DCC: variants seen among roughly 807,000 people sequenced by gnomAD.
The protein encoded by DCC is DCC netrin 1 receptor.
In DCC, 58 loss-of-function variants were observed where a neutral mutation model predicts 172.5. The ratio of observed to expected loss-of-function variants is 0.34; its 90% CI spans 0.27 to 0.42. The LOEUF (loss-of-function observed/expected upper bound fraction) is 0.42, where lower values mean the gene tolerates loss of function less well. Ranked by LOEUF, DCC falls within the 10% of genes least tolerant of loss-of-function variation. DCC has a pLI of 1.00. For missense variants in DCC, 1,740 were observed against 1,791.0 expected (o/e 0.97, Z 0.51); for synonymous variants, 709 against 644.5 (o/e 1.10, Z -1.52).
intron 14 of DCC, among the ~76,000 whole-genome samples, chr18:53,326,466 T>A (rs2057469392): frequency 2.0e-5 from 3 of 152,206 alleles, no homozygotes; most frequent in Admixed American, 1.3e-4. Flanking sequence ...TTCCTTTCTT[T>A]CCTTCTGGTT....
At chr18:53,090,732 A>AAAAAAAAAT (rs1568298492) in intron 7 of DCC, among the ~76,000 whole-genome samples, 7 of 129,076 alleles carry the variant, frequency 5.4e-5, no homozygotes, top group Non-Finnish European at 1.0e-4. Context: ...AAAAAAAAAA[A>AAAAAAAAAT]AAGAATGTAT....
intron 22 of DCC, among the ~76,000 whole-genome samples, chr18:53,448,152 G>C (rs1357755680): frequency 6.9e-6 from 1 of 143,942 alleles, no homozygotes; most frequent in South Asian, 2.4e-4. Flanking sequence ...ATATTAAATT[G>C]TGAGAATAGG....
intron 1 of DCC, among the ~76,000 whole-genome samples, chr18:52,491,533 T>C (rs1226910849): frequency 6.6e-6 from 1 of 152,094 alleles, no homozygotes; most frequent in Non-Finnish European, 1.5e-5. Context: ...TTTTAAAAAA[T>C]AGATTTCTCC....
chr18:52,642,335 G>GGGGCAA (rs1342243646), intron 1 of DCC, among the ~76,000 whole-genome samples: 1 of 151,588 alleles, frequency 6.6e-6, no homozygotes, highest in Non-Finnish European at 1.5e-5. Context: ...GAGTGGGAGG[G>GGGGCAA]GGGCAAGGGA....
intron 15 of DCC, among the ~76,000 whole-genome samples, chr18:53,364,516 A>C (rs73957171): frequency 0.046 from 7,033 of 152,158 alleles, 505 homozygotes; most frequent in African/African-American, 0.16. Flanking sequence ...CACTATATTC[A>C]CCATAGTACA....
chr18:53,095,823 T>A (rs1310296944), intron 7 of DCC, among the ~76,000 whole-genome samples: 2 of 138,798 alleles, frequency 1.4e-5, no homozygotes, highest in Admixed American at 7.3e-5. Flanking sequence ...GGGTATGGGG[T>A]TTTTTTCATC....
At chr18:53,309,448 A>C (rs935003658) in intron 13 of DCC, among the ~76,000 whole-genome samples, 1 of 152,178 alleles carries the variant, frequency 6.6e-6, no homozygotes, top group African/African-American at 2.4e-5. Context: ...ATTTCCAAAT[A>C]AGGTCACATG....
At chr18:52,824,590 G>GA (rs1250500915) in intron 2 of DCC, among the ~76,000 whole-genome samples, 1 of 151,340 alleles carries the variant, frequency 6.6e-6, no homozygotes, top group Non-Finnish European at 1.5e-5. Flanking sequence ...GGGGAAGGAA[G>GA]AAAAACTAGA....
intron 5 of DCC, among the ~76,000 whole-genome samples, chr18:52,959,467 GT>G (rs1298009875): frequency 6.6e-6 from 1 of 152,058 alleles, no homozygotes; most frequent in African/African-American, 2.4e-5. Flanking sequence ...ACATTTGTAT[GT>G]TTGTTACATG....
chr18:52,565,979 T>C (rs950111549), intron 1 of DCC, among the ~76,000 whole-genome samples: 1 of 152,166 alleles, frequency 6.6e-6, no homozygotes, highest in Admixed American at 6.5e-5. Context: ...AGGTCTTATG[T>C]TTAAGTCTTA....
At chr18:52,723,776 A>G (rs1261661635) in intron 1 of DCC, among the ~76,000 whole-genome samples, 1 of 152,190 alleles carries the variant, frequency 6.6e-6, no homozygotes, top group Non-Finnish European at 1.5e-5. Flanking sequence ...ATTGTGGCAT[A>G]AATCAAGAAG....
intron 2 of DCC, among the ~76,000 whole-genome samples, chr18:52,801,949 T>C (rs118115661): frequency 0.046 from 6,989 of 152,254 alleles, 226 homozygotes; most frequent in Non-Finnish European, 0.064. Flanking sequence ...CAGATGTGTC[T>C]ATGAATCACC....
chr18:52,721,292 G>A (rs557189024), intron 1 of DCC, among the ~76,000 whole-genome samples: 1 of 152,254 alleles, frequency 6.6e-6, no homozygotes, highest in Non-Finnish European at 1.5e-5. Context: ...TTTCAATTTG[G>A]AAAGTCATTC....
chr18:53,090,282 T>G (rs1284227511), intron 7 of DCC, among the ~76,000 whole-genome samples: 2 of 152,106 alleles, frequency 1.3e-5, no homozygotes, highest in Non-Finnish European at 2.9e-5. Flanking sequence ...ACTCTAACAG[T>G]CCATGAGGCC....
chr18:53,455,703 C>G (rs375883225), intron 23 of DCC, among the ~76,000 whole-genome samples: 32 of 152,306 alleles, frequency 2.1e-4, no homozygotes, highest in African/African-American at 7.7e-4. Context: ...CCACTGACTT[C>G]TTGATATTAT....
chr18:53,128,609 A>C (rs1008489621), intron 7 of DCC, among the ~76,000 whole-genome samples: 9 of 151,896 alleles, frequency 5.9e-5, no homozygotes, highest in African/African-American at 2.2e-4. Flanking sequence ...TTTTGATTGC[A>C]TTGACTTTAA....
chr18:52,617,650 A>G (rs2034408491), intron 1 of DCC, among the ~76,000 whole-genome samples: 1 of 152,156 alleles, frequency 6.6e-6, no homozygotes, highest in Admixed American at 6.5e-5. Flanking sequence ...GAAGGGAAGA[A>G]GTGGATCATT....
intron 1 of DCC, among the ~76,000 whole-genome samples, chr18:52,517,963 T>C (rs2031692626): frequency 1.3e-5 from 2 of 152,354 alleles, no homozygotes; most frequent in South Asian, 2.1e-4. Flanking sequence ...TTATTGTTGA[T>C]GGACATTTTT....
intron 16 of DCC, among the ~76,000 whole-genome samples, chr18:53,387,157 T>G (rs2144998208): frequency 6.6e-6 from 1 of 152,308 alleles, no homozygotes; most frequent in East Asian, 1.9e-4. Flanking sequence ...ATAAAATAAA[T>G]AGTGGAATCC....
Sources: allele counts gnomAD v4.1 joint callset (sites outside exome capture counted in the v4.1 genomes callset), GRCh38; gene constraint gnomAD v4.1.1; transcripts MANE v1.5; gene names NCBI Gene and HGNC (gene_info 2026-07-23, HGNC 2026-07-21).